Variants in OR9Q1 observed in about 807,000 individuals in gnomAD.
OR9Q1 encodes the protein olfactory receptor 9Q1.
For synonymous variants in OR9Q1, 153 were observed against 148.6 expected, an observed-to-expected ratio of 1.03 and a Z score of -0.22; for missense variants, 374 against 378.8, an observed-to-expected ratio of 0.99 and a Z score of 0.11.
At chr11:58,073,672 A>T (rs2120025048) in intron 2 of OR9Q1, 1 of 152,340 alleles carries the variant, frequency 6.6e-6, no homozygotes, top group South Asian at 2.1e-4. Flanking sequence ...TCTGGGATAC[A>T]TGTGCAGAAC....
intron 2 of OR9Q1, chr11:58,109,157 A>G (rs1853872747): frequency 2.0e-6 from 1 of 501,850 alleles, no homozygotes; most frequent in South Asian, 1.5e-5. Flanking sequence ...TTGTCACAAC[A>G]GAAGGAGAGG....
At chr11:58,126,708 G>A (rs1435075302) in intron 2 of OR9Q1, among the ~76,000 whole-genome samples, 1 of 152,060 alleles carries the variant, frequency 6.6e-6, no homozygotes, top group African/African-American at 2.4e-5. Context: ...ATAACTGTGT[G>A]GTAAGAGTAT....
intron 1 of OR9Q1, among the ~76,000 whole-genome samples, chr11:58,053,055 T>A (rs1340453899): frequency 2.0e-5 from 3 of 151,632 alleles, no homozygotes; most frequent in Admixed American, 6.6e-5. Context: ...TCCTCAGGGA[T>A]CTAGAACTAG....
chr11:58,120,686 A>G (rs911300324), intron 2 of OR9Q1, among the ~76,000 whole-genome samples: 1 of 151,546 alleles, frequency 6.6e-6, no homozygotes, highest in Non-Finnish European at 1.5e-5. Context: ...TGCTATTATC[A>G]TCAATTTTAG....
intron 2 of OR9Q1, among the ~76,000 whole-genome samples, chr11:58,070,034 C>T (rs1402218352): frequency 1.3e-5 from 2 of 151,928 alleles, no homozygotes; most frequent in Non-Finnish European, 2.9e-5. Flanking sequence ...TGGCATCTTG[C>T]TCTGTCACCC....
intron 2 of OR9Q1, chr11:58,118,816 T>C: frequency 6.2e-7 from 1 of 1,614,050 alleles, no homozygotes; most frequent in Non-Finnish European, 8.5e-7. Flanking sequence ...GACGGAGGCA[T>C]TGGCCAAAAT....
In OR9Q1 at chr11:58,139,283, G is replaced by GTT. The variant is rs11350123; in HGVS notation, c.-14-40137_-14-40136dup. ...TAAGTTCAGGTGTTCATGTGCAGCTGTTTTTTTTTTTTATTATACTTTAAG... is the reference window on the plus strand; with the variant it reads ...TAAGTTCAGGTGTTCATGTGCAGCTGTTTTTTTTTTTTTTATTATACTTTAAG... On this transcript the variant is annotated intron_variant, in intron 2 of 2. Coordinates refer to ENST00000335397, the MANE Select transcript of OR9Q1 (RefSeq NM_001005212.4). 1.4e-3 allele frequency among the ~76,000 whole-genome samples: 210 copies of GTT among 147,898 alleles called. 2 individuals are homozygous for GTT. Among genetic ancestry groups the GTT allele is most frequent in the African/African-American group, 3.3e-3 (131 of 40,290 alleles).
At chr11:58,084,726 C>T (rs1420448976) in intron 2 of OR9Q1, among the ~76,000 whole-genome samples, 2 of 151,802 alleles carry the variant, frequency 1.3e-5, no homozygotes, top group Non-Finnish European at 2.9e-5. Flanking sequence ...AAAAAGCTTT[C>T]TATAAAATGC....
At chr11:58,066,797 C>T (rs1853434289) in intron 2 of OR9Q1, among the ~76,000 whole-genome samples, 1 of 152,166 alleles carries the variant, frequency 6.6e-6, no homozygotes, top group African/African-American at 2.4e-5. Flanking sequence ...CCTGGGCCCA[C>T]ACCCCATCAT....
intron 2 of OR9Q1, chr11:58,145,083 C>A (rs1565089499): frequency 6.5e-6 from 1 of 154,062 alleles, no homozygotes; most frequent in South Asian, 1.8e-4. Context: ...TAATCTACCT[C>A]TCAGCTTTTC....
chr11:58,115,714 G>A (rs956150179), intron 2 of OR9Q1, among the ~76,000 whole-genome samples: 2 of 152,140 alleles, frequency 1.3e-5, no homozygotes, highest in African/African-American at 4.8e-5. Flanking sequence ...GTTTAGGGGT[G>A]CAATGGGGGT....
chr11:58,162,938 C>A (rs77440328), intron 2 of OR9Q1, among the ~76,000 whole-genome samples: 7,417 of 152,178 alleles, frequency 0.049, 609 homozygotes, highest in African/African-American at 0.17. Flanking sequence ...AGCAAGTTTT[C>A]TTTCTTTGTC....
At chr11:58,062,161 C>G (rs1231463599) in intron 2 of OR9Q1, among the ~76,000 whole-genome samples, 1 of 152,132 alleles carries the variant, frequency 6.6e-6, no homozygotes, top group Non-Finnish European at 1.5e-5. Flanking sequence ...GTATTCTCTC[C>G]CTACAGAAAG....
intron 1 of OR9Q1, chr11:58,031,447 C>G (rs1389899862): frequency 6.2e-7 from 1 of 1,614,186 alleles, no homozygotes; most frequent in Admixed American, 1.7e-5. Context: ...TGCCAATCTA[C>G]CTCTTGTCTC....
intron 2 of OR9Q1, among the ~76,000 whole-genome samples, chr11:58,060,491 A>G (rs2443445): frequency 0.67 from 101,450 of 152,016 alleles, 34,293 homozygotes; most frequent in Middle Eastern, 0.79. Context: ...GAAAGCTGGG[A>G]GGCTTTTGGA....
At chr11:58,073,874 C>A (rs1212000795) in intron 2 of OR9Q1, among the ~76,000 whole-genome samples, 1 of 152,156 alleles carries the variant, frequency 6.6e-6, no homozygotes, top group Non-Finnish European at 1.5e-5. Context: ...CATTGTTCAA[C>A]ACCTACTTAT....
intron 2 of OR9Q1, among the ~76,000 whole-genome samples, chr11:58,173,124 CTTTA>C (rs1854570412): frequency 1.3e-5 from 2 of 151,776 alleles, no homozygotes; most frequent in East Asian, 1.9e-4. Context: ...ATGGTATTTT[CTTTA>C]TTTTATTTTA....
chr11:58,122,674 A>G (rs983061343), intron 2 of OR9Q1, among the ~76,000 whole-genome samples: 2 of 152,134 alleles, frequency 1.3e-5, no homozygotes, highest in African/African-American at 4.8e-5. Flanking sequence ...AACCATCATC[A>G]TTGGTCAGGG....
chr11:58,053,213 G>A (rs1366484495), intron 1 of OR9Q1, among the ~76,000 whole-genome samples: 2 of 151,508 alleles, frequency 1.3e-5, no homozygotes, highest in Non-Finnish European at 2.9e-5. Flanking sequence ...GTCCAACAAT[G>A]ATAGACTGGA....
Sources: allele counts gnomAD v4.1 joint callset (sites outside exome capture counted in the v4.1 genomes callset), GRCh38; gene constraint gnomAD v4.1.1; transcripts MANE v1.5; gene names NCBI Gene and HGNC (gene_info 2026-07-23, HGNC 2026-07-21).